The following CLECL1 variants were observed in gnomAD, a reference collection of about 807,000 sequenced individuals.
The protein encoded by CLECL1 is C-type lectin like 1, also known as C-type lectin-like domain family 1.
chr12:9,715,494 C>G (rs1031830496), downstream of CLECL1, among the ~76,000 whole-genome samples: 2 of 152,162 alleles, frequency 1.3e-5, no homozygotes, highest in South Asian at 4.1e-4. Flanking sequence ...TACAAAGTTT[C>G]TCTTTGGAGT....
chr12:9,722,420 A>G (rs1006601425), downstream of CLECL1: 1 of 789,652 alleles, frequency 1.3e-6, no homozygotes, highest in Non-Finnish European at 1.8e-6. Flanking sequence ...CCTTGGAGAG[A>G]AGAGCTTGGT....
chr12:9,729,070 C>G (rs1171278105), intron 2 of CLECL1, among the ~76,000 whole-genome samples: 1 of 151,926 alleles, frequency 6.6e-6, no homozygotes, highest in African/African-American at 2.4e-5. Context: ...TTCAATAAAA[C>G]ATTAAAATAA....
intron 3 of CLECL1, among the ~76,000 whole-genome samples, chr12:9,723,234 T>C (rs1349583600): frequency 6.6e-6 from 1 of 152,136 alleles, no homozygotes; most frequent in Admixed American, 6.5e-5. Flanking sequence ...ACAAGCAAAA[T>C]TTGTGCTATA....
chr12:9,732,851 T>G, intron 1 of CLECL1, 98 bp downstream of exon 1: 1 of 995,532 alleles, frequency 1.0e-6, no homozygotes, highest in Non-Finnish European at 1.5e-6. Flanking sequence ...TTGAATCCAA[T>G]CTCCTCTTTT....
At chr12:9,718,784 A>C (rs767092694), downstream of CLECL1, 1 of 700,508 alleles carries the variant, frequency 1.4e-6, no homozygotes, top group South Asian at 1.5e-5. Flanking sequence ...GCTGAAAACC[A>C]AGGAGAGATG....
intron 3 of CLECL1, among the ~76,000 whole-genome samples, chr12:9,725,374 C>A (rs1230050912): frequency 6.6e-6 from 1 of 151,982 alleles, no homozygotes; most frequent in Non-Finnish European, 1.5e-5. Context: ...TATAATGCAC[C>A]TAAATCAAAC....
chr12:9,714,251 A>C (rs1256018874), downstream of CLECL1, among the ~76,000 whole-genome samples: 1 of 152,222 alleles, frequency 6.6e-6, no homozygotes, highest in Non-Finnish European at 1.5e-5. Flanking sequence ...TCAGGAGGCC[A>C]TTCATTATCT....
chr12:9,724,000 C>T (rs140582998), intron 3 of CLECL1, among the ~76,000 whole-genome samples: 1 of 151,900 alleles, frequency 6.6e-6, no homozygotes, highest in African/African-American at 2.4e-5. Flanking sequence ...ATCTGGCCAA[C>T]ACGGCAAAAT....
chr12:9,717,430 C>CA (rs1853076847), intron 2 of CLECL1, among the ~76,000 whole-genome samples: 2 of 152,170 alleles, frequency 1.3e-5, no homozygotes, highest in South Asian at 4.1e-4. Context: ...CAATGACTTG[C>CA]AGTAGTTTAA....
At chr12:9,707,755 C>G in the CLECL1 span, among the ~76,000 whole-genome samples, 7 of 152,156 alleles carry the variant, frequency 4.6e-5, no homozygotes, top group Non-Finnish European at 8.8e-5. Context: ...CTTCCAAAAC[C>G]CTGCCACTTC....
intron 1 of CLECL1, 44 bp downstream of exon 1, chr12:9,732,905 C>G: frequency 2.8e-6 from 4 of 1,443,700 alleles, no homozygotes; most frequent in Non-Finnish European, 3.8e-6. Flanking sequence ...AAGGAGATAA[C>G]TAGTAAAATC....
chr12:9,703,732 GCA>G, the CLECL1 span, among the ~76,000 whole-genome samples: 7,138 of 151,590 alleles, frequency 0.047, 186 homozygotes, highest in Non-Finnish European at 0.057. Flanking sequence ...ACACTTGCCC[GCA>G]TATATATATA....
the CLECL1 span, chr12:9,703,980 C>T: frequency 1.3e-5 from 2 of 152,008 alleles, no homozygotes; most frequent in Non-Finnish European, 2.9e-5. Flanking sequence ...TAATGTTACT[C>T]TTTAATTGAA....
the CLECL1 span, among the ~76,000 whole-genome samples, chr12:9,704,792 T>C: frequency 1.3e-5 from 2 of 152,250 alleles, no homozygotes; most frequent in African/African-American, 2.4e-5. Context: ...GTACCACATT[T>C]TCTTTATCCA....
chr12:9,718,534 G>A (rs1433834904), downstream of CLECL1: 1 of 414,554 alleles, frequency 2.4e-6, no homozygotes, highest in East Asian at 4.2e-5. Context: ...GAATATTATG[G>A]GCTGAATTGT....
rs1176824444 is a variant in CLECL1, at chr12:9,716,783, T to C, written n.153-7A>G. ...GTCAAAAAAGATTGGATTTCTAGAT[T>C]TGAGAGGAGAAAGAAAATAATGAGA... On this transcript the variant is annotated splice_polypyrimidine_tract_variant and splice_region_variant and intron_variant and non_coding_transcript_variant, in intron 2 of 2. Coordinates refer to the CLECL1 transcript ENST00000540988. The C allele has an allele frequency of 2.4e-6, 3 of 1,272,256 alleles. No homozygotes were observed. The African/African-American group carries it at 4.6e-5, about 19-fold the overall frequency. 78.8% of individuals were successfully genotyped at this position (1,272,256 alleles called of 1,614,324 possible).
upstream of CLECL1, among the ~76,000 whole-genome samples, chr12:9,733,927 TG>T: frequency 6.6e-6 from 1 of 152,258 alleles, no homozygotes; most frequent in South Asian, 2.1e-4. Context: ...GGAGAGTAGA[TG>T]GAGATGTGAT....
At chr12:9,728,402 A>C (rs1373590850) in intron 2 of CLECL1, among the ~76,000 whole-genome samples, 6 of 151,720 alleles carry the variant, frequency 4.0e-5, no homozygotes, top group African/African-American at 1.4e-4. Flanking sequence ...TCTTATGTTG[A>C]TACATCATAC....
At chr12:9,718,888 C>A, downstream of CLECL1, 2 of 591,252 alleles carry the variant, frequency 3.4e-6, no homozygotes, top group Non-Finnish European at 6.0e-6. Flanking sequence ...GCTACCTAGT[C>A]TGTGATACTT....
Sources: allele counts gnomAD v4.1 joint callset (sites outside exome capture counted in the v4.1 genomes callset), GRCh38; gene constraint gnomAD v4.1.1; transcripts MANE v1.5; gene names NCBI Gene and HGNC (gene_info 2026-07-23, HGNC 2026-07-21).